Variants in AGR2 observed in about 807,000 individuals in gnomAD.
AGR2 encodes anterior gradient 2, protein disulphide isomerase family member.
AGR2 carries 27 observed loss-of-function variants against 25.9 expected under a neutral mutation model. The ratio of observed to expected loss-of-function variants is 1.04; its 90% CI spans 0.77 to 1.44. The LOEUF is 1.44. Ranked by LOEUF, AGR2 falls within the 40% of genes most tolerant of loss-of-function variation. The pLI, the probability that AGR2 is intolerant of heterozygous loss-of-function variation, is 0.00. For missense variants in AGR2, 182 were observed against 200.9 expected, an observed-to-expected ratio of 0.91 and a Z score of 0.57; for synonymous variants, 78 against 72.0, an observed-to-expected ratio of 1.08 and a Z score of -0.42.
At chr7:16,797,518 G>T (rs565990710) in intron 6 of AGR2, 113 bp downstream of exon 6, 4 of 788,870 alleles carry the variant, frequency 5.1e-6, no homozygotes, top group Non-Finnish European at 2.1e-6. Flanking sequence ...CCTTGCTAGA[G>T]CTTAGTGATG....
intron 1 of AGR2, among the ~76,000 whole-genome samples, 161 bp downstream of exon 1, chr7:16,804,774 A>G (rs1243350935): frequency 6.7e-6 from 1 of 148,972 alleles, no homozygotes; most frequent in African/African-American, 2.6e-5. Context: ...CCCCAGTAAG[A>G]CTTTTGTGGA....
intron 5 of AGR2, 89 bp downstream of exon 5, chr7:16,799,655 G>T: frequency 1.1e-6 from 1 of 896,946 alleles, no homozygotes; most frequent in Non-Finnish European, 1.8e-6. Flanking sequence ...AGTTAATGCA[G>T]TATAACTAAG....
intron 1 of AGR2, among the ~76,000 whole-genome samples, 154 bp from the exon 2 acceptor site, chr7:16,801,957 A>G (rs915121665): frequency 6.7e-6 from 1 of 149,764 alleles, no homozygotes; most frequent in Admixed American, 6.7e-5. Flanking sequence ...GTTCCATGGG[A>G]TTTTCCTAAG....
intron 1 of AGR2, among the ~76,000 whole-genome samples, chr7:16,803,775 C>T (rs1785186856): frequency 6.6e-6 from 1 of 152,122 alleles, no homozygotes; most frequent in South Asian, 2.1e-4. Flanking sequence ...TGTATAAAGA[C>T]TTCTTTGTAA....
Position 16,797,615 on chromosome 7 carries a change from T to C in AGR2, c.394+16A>G, listed in dbSNP as rs750354114. 5.3e-5 allele frequency: 85 copies of C among 1,612,890 alleles called. No homozygotes were observed. Among genetic ancestry groups the C allele is most frequent in the Middle Eastern group, 5.0e-4 (3 of 6,056 alleles). ...AGTATGTGTTTCCGAGTTATCTCAC[T>C]GTCACTTCCGCTTACCAACAAACAT... is the stretch of plus-strand genomic sequence containing the variant. On this transcript the variant is annotated intron_variant, in intron 6 of 7. Coordinates refer to ENST00000419304, the MANE Select transcript of AGR2 (RefSeq NM_006408.4).
chr7:16,799,384 A>T (rs1304675170), intron 5 of AGR2, among the ~76,000 whole-genome samples: 1 of 152,172 alleles, frequency 6.6e-6, no homozygotes, highest in Non-Finnish European at 1.5e-5. Flanking sequence ...TTAGAGTTGG[A>T]AAGCCAGAGA....
At chr7:16,803,353 A>G (rs769501878) in intron 1 of AGR2, among the ~76,000 whole-genome samples, 34 of 152,164 alleles carry the variant, frequency 2.2e-4, no homozygotes, top group Non-Finnish European at 2.2e-4. Context: ...CCAAACACTA[A>G]AAGTGCTAAA....
rs183808421 is a variant in AGR2 at position 16,802,563 on chromosome 7, T to C, written c.-7-760A>G. ...CTATTGGAAGTAAAAACCAGAATGG[T>C]TATATGGATACTTGAAATACAGTTT... On this transcript the variant is annotated intron_variant, in intron 1 of 7. Coordinates refer to ENST00000419304, the MANE Select transcript of AGR2 (RefSeq NM_006408.4). 1.2e-3 allele frequency among the ~76,000 whole-genome samples: 178 copies of C among 152,308 alleles called. 1 individual carries two copies. The highest frequency in any genetic ancestry group is 4.1e-3 in the African/African-American group (170 of 41,560).
At chr7:16,799,933 T>C in intron 4 of AGR2, 116 bp from the exon 5 acceptor site, 1 of 722,342 alleles carries the variant, frequency 1.4e-6, no homozygotes, top group Non-Finnish European at 2.3e-6. Flanking sequence ...AAATACAGTA[T>C]TCTACTTTGG....
intron 4 of AGR2, 51 bp downstream of exon 4, chr7:16,801,100 C>T (rs1785133806): frequency 2.7e-6 from 4 of 1,468,968 alleles, no homozygotes; most frequent in Non-Finnish European, 3.8e-6. Context: ...TGAACCCTGG[C>T]CCTAAGGCTA....
chr7:16,798,899 A>G (rs1785093507), intron 5 of AGR2, among the ~76,000 whole-genome samples: 1 of 152,270 alleles, frequency 6.6e-6, no homozygotes, highest in African/African-American at 2.4e-5. Context: ...ACTGAGTTTA[A>G]GCTGATTATG....
At chr7:16,797,849 C>G (rs1252853087) in intron 5 of AGR2, among the ~76,000 whole-genome samples, 155 bp from the exon 6 acceptor site, 1 of 151,990 alleles carries the variant, frequency 6.6e-6, no homozygotes, top group Non-Finnish European at 1.5e-5. Context: ...AGACAAGTTA[C>G]AAGCATGAAA....
chr7:16,798,190 A>G (rs1429220233), intron 5 of AGR2, among the ~76,000 whole-genome samples: 3 of 152,232 alleles, frequency 2.0e-5, no homozygotes, highest in African/African-American at 7.2e-5. Flanking sequence ...GTGAAATGTT[A>G]CGGTGTAGGA....
rs553790090 is a variant in AGR2, at chr7:16,797,258, T to C, written c.394+373A>G. 2.0e-5 allele frequency among the ~76,000 whole-genome samples: 3 copies of C among 152,248 alleles called. No homozygotes were observed. In the South Asian group the frequency reaches 6.2e-4, roughly 32 times the overall value. On this transcript the variant is annotated intron_variant, in intron 6 of 7. Coordinates refer to ENST00000419304, the MANE Select transcript of AGR2 (RefSeq NM_006408.4). ...CTTTCTTAAAAATAATGATAAAAAATGTCAGAAAAATCTAACACACAAAGT... is the reference window on the plus strand; with the variant it reads ...CTTTCTTAAAAATAATGATAAAAAACGTCAGAAAAATCTAACACACAAAGT...
chr7:16,795,635 G>C (rs1463081947), intron 6 of AGR2, among the ~76,000 whole-genome samples: 2 of 151,998 alleles, frequency 1.3e-5, no homozygotes, highest in Non-Finnish European at 2.9e-5. Context: ...GCCATGTTTT[G>C]TATTTAACTT....
chr7:16,804,480 T>C (rs1583811308), intron 1 of AGR2, among the ~76,000 whole-genome samples: 1 of 152,294 alleles, frequency 6.6e-6, no homozygotes, highest in East Asian at 1.9e-4. Context: ...AGAATGTCTT[T>C]GCAGCAAAAA....
rs1785209652 is a variant in AGR2 at position 16,804,949 on chromosome 7, C to T, written c.-22G>A. Reference sequence around the variant, plus strand: ...AGGAGCCTTACCTGGATTTCCTCACCCACCTGCCTTGTGTGAGTCGGCGGC... The same window carrying T: ...AGGAGCCTTACCTGGATTTCCTCACTCACCTGCCTTGTGTGAGTCGGCGGC... On this transcript the variant is annotated 5_prime_UTR_variant, in exon 1 of 8. Coordinates refer to ENST00000419304, the MANE Select transcript of AGR2 (RefSeq NM_006408.4). 6.6e-6 allele frequency: 1 copy of T among 152,382 alleles called. No homozygotes were observed. The highest frequency in any genetic ancestry group is 1.5e-5 in the Non-Finnish European group (1 of 68,108). The allele number at this position is 152,382 out of a possible 1,614,324, so 9.4% of individuals were successfully genotyped here. A position where few individuals can be genotyped will look rare whatever the true frequency, so the allele number is the denominator to read the frequency against.
chr7:16,799,794 T>G lies in AGR2; in HGVS notation c.280A>C (p.Asn94His), dbSNP rs368570959. The change falls in exon 5 of 8, where the codon AAT (asparagine) becomes CAT (histidine). Residue 94 changes from asparagine (N) to histidine (H), a missense_variant. Asn to His is a moderately conservative substitution (Grantham distance 68, BLOSUM62 1). Coordinates refer to ENST00000419304, the MANE Select transcript of AGR2 (RefSeq NM_006408.4). ...TCTGCCAATTTCTGGATTTCTTTAT[T>G]TTCAGCAAACACTTTCTTTAAAGCT... ...SQALKKVFAE[N>H]KEIQKLAEQF... 8.1e-6 allele frequency: 13 copies of G among 1,613,004 alleles called. No individual in the cohort carries two copies. The highest frequency in any genetic ancestry group is 1.0e-5 in the Non-Finnish European group (12 of 1,179,270).
At chr7:16,793,869 T>C (rs1289597572) in intron 7 of AGR2, among the ~76,000 whole-genome samples, 1 of 152,240 alleles carries the variant, frequency 6.6e-6, no homozygotes, top group Non-Finnish European at 1.5e-5. Flanking sequence ...TCGATAGGCA[T>C]TGAACAGCCG....
Sources: gnomAD v4.1 joint callset for allele counts (sites outside exome capture counted in the v4.1 genomes callset) on GRCh38, gnomAD v4.1.1 for gene constraint, MANE v1.5 for transcripts, NCBI Gene and HGNC (gene_info 2026-07-23, HGNC 2026-07-21) for gene names.